SHE: variants seen among roughly 807,000 people sequenced by gnomAD.
SHE encodes the protein Src homology 2 domain containing E, also known as SH2 domain-containing adapter protein E.
In SHE, 11 loss-of-function variants were observed where a neutral mutation model predicts 49.8. The observed-to-expected ratio is 0.22, with a 90% CI of 0.14 to 0.37. The LOEUF (loss-of-function observed/expected upper bound fraction) is 0.37. SHE is among the 10% of genes least tolerant of loss of function. SHE has a pLI of 1.00. For missense variants in SHE, 624 were observed against 655.5 expected (o/e 0.95, Z 0.52); for synonymous variants, 310 against 278.1 (o/e 1.11, Z -1.14).
chr1:154,483,871 A>G lies in SHE; in HGVS notation c.*278T>C, dbSNP rs1692090623. On this transcript the variant is annotated 3_prime_UTR_variant, in exon 6 of 6. Transcript: ENST00000304760. ...AAATTAGCTGGGAGTGGTGGTGCGA[A>G]CCTATAGTCCCACCTACTTGGGAGG... The G allele has an allele frequency of 2.1e-6, 2 of 947,824 alleles. No homozygotes were observed. Among genetic ancestry groups the G allele is most frequent in the East Asian group, 4.2e-5 (1 of 23,660 alleles). 58.7% of individuals were successfully genotyped at this position (947,824 alleles called of 1,614,324 possible). A position where few individuals can be genotyped will look rare whatever the true frequency, so the allele number is the denominator to read the frequency against.
intron 2 of SHE, among the ~76,000 whole-genome samples, chr1:154,489,884 C>G (rs12044132): frequency 1.3e-5 from 2 of 152,156 alleles, no homozygotes; most frequent in South Asian, 2.1e-4. Flanking sequence ...CAGCTGGACA[C>G]GATCATCTGA....
In SHE at chr1:154,485,752, A is replaced by C. The variant is rs922138947; in HGVS notation, c.1301+191T>G. 3 of 544,644 alleles carry C rather than the reference A, an allele frequency of 5.5e-6. No individual in the cohort carries two copies. The African/African-American group carries it at 5.6e-5, about 10-fold the overall frequency. The allele number at this position is 544,644 out of a possible 1,614,324, so 33.7% of individuals were successfully genotyped here. On this transcript the variant is annotated intron_variant, in intron 5 of 5. Coordinates refer to ENST00000304760, the MANE Select transcript of SHE (RefSeq NM_001010846.3). Reference sequence around the variant, plus strand: ...CCTTCATTATCATAATAGATAATGGAGGCATTTACCCAATACCAATTTTGC... The same window carrying C: ...CCTTCATTATCATAATAGATAATGGCGGCATTTACCCAATACCAATTTTGC...
chr1:154,471,539 G>A (rs1419843956), intron 1 of SHE, among the ~76,000 whole-genome samples: 5 of 151,842 alleles, frequency 3.3e-5, no homozygotes, highest in Admixed American at 6.6e-5. Context: ...GTGCTACTGC[G>A]CTCCACCCTG....
rs1353791064 is a variant in SHE, at chr1:154,499,057, A to G, written c.718+55T>C. ...CAATAGACACCGGTTACTATATTAC[A>G]ACACTCACTGAGTGTGAGATTTCAG... On this transcript the variant is annotated intron_variant, in intron 2 of 5. Coordinates refer to ENST00000304760, the MANE Select transcript of SHE (RefSeq NM_001010846.3). 3 of 1,597,394 alleles carry G rather than the reference A, an allele frequency of 1.9e-6. No individual in the cohort carries two copies. The African/African-American group carries it at 4.0e-5, about 21-fold the overall frequency.
intron 2 of SHE, among the ~76,000 whole-genome samples, chr1:154,498,004 C>A (rs1287784181): frequency 6.6e-6 from 1 of 151,880 alleles, no homozygotes; most frequent in African/African-American, 2.4e-5. Flanking sequence ...ATAATTACTG[C>A]TTAGTAATTA....
rs568224388 is a variant in SHE, at chr1:154,489,037, C to T, written c.1024+14G>A. 6.5e-7 allele frequency: 1 copy of T among 1,543,088 alleles called. No homozygotes were observed. Among genetic ancestry groups the T allele is most frequent in the South Asian group, 1.3e-5 (1 of 79,308 alleles). On this transcript the variant is annotated intron_variant, in intron 3 of 5. Transcript: ENST00000304760. ...TGAAGTCACACTGGGGCGGGCCTGG[C>T]CTGGCGCCCTCACCTGACAGAGCCC...
At chr1:154,499,975 C>T (rs1364932619) in intron 1 of SHE, among the ~76,000 whole-genome samples, 1 of 152,076 alleles carries the variant, frequency 6.6e-6, no homozygotes, top group African/African-American at 2.4e-5. Context: ...GTGACAACAC[C>T]AGAGGGTAGG....
chr1:154,478,080 G>C (rs897540365), downstream of SHE, among the ~76,000 whole-genome samples: 1 of 152,046 alleles, frequency 6.6e-6, no homozygotes, highest in Non-Finnish European at 1.5e-5. Context: ...TTCACTCAGC[G>C]TAATGGTCTG....
Position 154,481,240 on chromosome 1 carries a change from C to T in SHE, c.*2909G>A. 1.0e-6 allele frequency: 1 copy of T among 985,438 alleles called. No homozygotes were observed. The allele number at this position is 985,438 out of a possible 1,614,324, so 61.0% of individuals were successfully genotyped here. A position where few individuals can be genotyped will look rare whatever the true frequency, so the allele number is the denominator to read the frequency against. On this transcript the variant is annotated 3_prime_UTR_variant, in exon 6 of 6. Coordinates refer to ENST00000304760, the MANE Select transcript of SHE (RefSeq NM_001010846.3). ...GTGCCACCACACAGCTGTGAACTCCCTGGCTTTTGTCAGCTTGTGTCACAA... is the reference window on the plus strand; with the variant it reads ...GTGCCACCACACAGCTGTGAACTCCTTGGCTTTTGTCAGCTTGTGTCACAA...
chr1:154,487,652 G>C (rs566615366), intron 3 of SHE, among the ~76,000 whole-genome samples: 3 of 151,828 alleles, frequency 2.0e-5, no homozygotes, highest in Non-Finnish European at 4.4e-5. Context: ...AGGAGTTCAA[G>C]ACCCACCTGG....
At chr1:154,501,250 G>A (rs6683078) in intron 1 of SHE, among the ~76,000 whole-genome samples, 186 bp downstream of exon 1, 139,498 of 152,270 alleles carry the variant, frequency 0.92, 65,209 homozygotes, top group East Asian at 1. Flanking sequence ...TAAAATAAGA[G>A]TTTTTCAAGA....
At chr1:154,470,169 G>A in exon 2 of SHE, 1 of 461,720 alleles carries the variant, frequency 2.2e-6, no homozygotes, top group Non-Finnish European at 3.8e-6. Flanking sequence ...GCTGGTCCTT[G>A]TCTTGCAGAA....
Position 154,479,755 on chromosome 1 carries a change from G to T in SHE, c.*4394C>A. 1.0e-6 allele frequency: 1 copy of T among 985,366 alleles called. No individual in the cohort carries two copies. Among genetic ancestry groups the T allele is most frequent in the Non-Finnish European group, 1.2e-6 (1 of 829,910 alleles). 61.0% of individuals were successfully genotyped at this position (985,366 alleles called of 1,614,324 possible). ...GACAAAATGAGACGCCTGTTTCAAT[G>T]ATTCTGTTGCCAGCATATTAATTAA... On this transcript the variant is annotated 3_prime_UTR_variant, in exon 6 of 6. Transcript: ENST00000304760.
At chr1:154,493,980 G>C (rs1692448844) in intron 2 of SHE, among the ~76,000 whole-genome samples, 1 of 152,198 alleles carries the variant, frequency 6.6e-6, no homozygotes. Context: ...ACCAACTCCA[G>C]AGTCCATGCT....
intron 1 of SHE, among the ~76,000 whole-genome samples, chr1:154,501,059 T>C (rs1224968369): frequency 6.6e-6 from 1 of 152,120 alleles, no homozygotes; most frequent in East Asian, 1.9e-4. Flanking sequence ...TTCCTTATGC[T>C]CAAGAAGCAT....
In SHE at chr1:154,482,449, C is replaced by A; in HGVS notation, c.*1700G>T. Reference sequence around the variant, plus strand: ...AGCAAAAATTTACTAACCTCTAAATCTTACAGTCAAATGTAACTAGTAACT... The same window carrying A: ...AGCAAAAATTTACTAACCTCTAAATATTACAGTCAAATGTAACTAGTAACT... On this transcript the variant is annotated 3_prime_UTR_variant, in exon 6 of 6. Transcript: ENST00000304760. The A allele has an allele frequency of 2.0e-6, 2 of 985,270 alleles. No homozygotes were observed. Among genetic ancestry groups the A allele is most frequent in the Non-Finnish European group, 2.4e-6 (2 of 829,802 alleles). The allele number at this position is 985,270 out of a possible 1,614,324, so 61.0% of individuals were successfully genotyped here.
intron 2 of SHE, among the ~76,000 whole-genome samples, chr1:154,496,509 C>T (rs1480239922): frequency 6.6e-6 from 1 of 152,156 alleles, no homozygotes; most frequent in African/African-American, 2.4e-5. Context: ...GCCTCACTTA[C>T]GGGTGAAGTT....
At chr1:154,493,826 T>C (rs982727787) in intron 2 of SHE, among the ~76,000 whole-genome samples, 1 of 152,208 alleles carries the variant, frequency 6.6e-6, no homozygotes, top group African/African-American at 2.4e-5. Flanking sequence ...ACGGCTGTAC[T>C]GACTAGGTAT....
chr1:154,487,940 CTTTT>C (rs899954087), intron 3 of SHE, among the ~76,000 whole-genome samples: 1 of 144,366 alleles, frequency 6.9e-6, no homozygotes, highest in East Asian at 2.0e-4. Context: ...ATTGGTTATA[CTTTT>C]TTTTTTTCTT....
Sources: gnomAD v4.1 joint callset for allele counts (sites outside exome capture counted in the v4.1 genomes callset) on GRCh38, gnomAD v4.1.1 for gene constraint, MANE v1.5 for transcripts, NCBI Gene and HGNC (gene_info 2026-07-23, HGNC 2026-07-21) for gene names.